Variants in PSMD8 observed in about 807,000 individuals in gnomAD.
The protein encoded by PSMD8 is proteasome 26S subunit, non-ATPase 8.
PSMD8 carries 30 observed loss-of-function variants against 40.0 expected under a neutral mutation model. That is an observed-to-expected ratio of 0.75 (90% CI 0.56 to 1.02). The LOEUF is 1.02. PSMD8 is among the 50% of genes least tolerant of loss of function. The pLI is 0.00. For missense variants in PSMD8, 461 were observed against 463.9 expected, an observed-to-expected ratio of 0.99 and a Z score of 0.06; for synonymous variants, 208 against 192.5, an observed-to-expected ratio of 1.08 and a Z score of -0.67.
Position 38,379,417 on chromosome 19 carries a change from A to AGG in PSMD8, c.702+15_702+16dup. On this transcript the variant is annotated intron_variant, in intron 4 of 6. Transcript: ENST00000215071. ...TGTCCCTGGAGCAAGTGAGATGGCA[A>AGG]GGGGCAGGGGAGGACCTGGCCAAAG... The AGG allele has an allele frequency of 6.2e-7, 1 of 1,613,520 alleles. No homozygotes were observed. Among genetic ancestry groups the AGG allele is most frequent in the Non-Finnish European group, 8.5e-7 (1 of 1,179,594 alleles).
intron 1 of PSMD8, 150 bp downstream of exon 1, chr19:38,375,111 G>A (rs1056335118): frequency 7.5e-7 from 1 of 1,326,190 alleles, no homozygotes; most frequent in African/African-American, 1.5e-5. Flanking sequence ...GAAAGATTTG[G>A]AACAGCCAAA....
chr19:38,379,203 A>G (rs1568387989), intron 3 of PSMD8, 37 bp from the exon 4 acceptor site: 1 of 1,604,876 alleles, frequency 6.2e-7, no homozygotes, highest in African/African-American at 1.3e-5. Context: ...AGGCCCTTAA[A>G]TCCTCCTTAA....
intron 5 of PSMD8, chr19:38,381,272 C>T (rs533332662): frequency 2.5e-5 from 9 of 361,218 alleles, no homozygotes; most frequent in South Asian, 8.5e-5. Flanking sequence ...AGGGATTGTG[C>T]GGCCTGTCTT....
Position 38,374,841 on chromosome 19 carries a change from C to G in PSMD8, c.240C>G (p.Pro80=), listed in dbSNP as rs768906876. 7 of 1,578,654 alleles carry G rather than the reference C, an allele frequency of 4.4e-6. No individual in the cohort carries two copies. In the East Asian group the frequency reaches 1.6e-4, roughly 36 times the overall value. The change falls in exon 1 of 7, where the codon CCC becomes CCG. Residue 80 remains proline, a synonymous_variant. Transcript: ENST00000215071. ...CGGCAGGCTTCTCGAGCTCCGGGCC[C>G]GCGGCAACCTCGGGCGCTGTTCTGC... is the stretch of plus-strand genomic sequence containing the variant. ...NGAAGFSSSG[P]AATSGAVLQA...
In PSMD8 at chr19:38,374,934, G is replaced by A; in HGVS notation, c.333G>A (p.Lys111=). 1 of 1,576,826 alleles carries A rather than the reference G, an allele frequency of 6.3e-7. No homozygotes were observed. Among genetic ancestry groups the A allele is most frequent in the Non-Finnish European group, 8.5e-7 (1 of 1,169,834 alleles). Residue 111 remains lysine (K), a synonymous_variant, in exon 1 of 7, where the codon AAG becomes AAA. Coordinates refer to ENST00000215071, the MANE Select transcript of PSMD8 (RefSeq NM_002812.5). Reference sequence around the variant, plus strand: ...ACCGTAAAAGCCCCAATCTTAGCAAGTGCGGGGAAGAGCTGGGTCGACTCA... The same window carrying A: ...ACCGTAAAAGCCCCAATCTTAGCAAATGCGGGGAAGAGCTGGGTCGACTCA... ...EWNRKSPNLS[K]CGEELGRLKL...
chr19:38,383,166 G>A (rs1420680546), intron 6 of PSMD8, 87 bp from the exon 7 acceptor site: 36 of 1,541,956 alleles, frequency 2.3e-5, no homozygotes, highest in Non-Finnish European at 3.1e-5. Flanking sequence ...AGAGAGCATA[G>A]GACACGTGGG....
At chr19:38,382,620 T>C (rs1264114144) in intron 6 of PSMD8, 1 of 387,234 alleles carries the variant, frequency 2.6e-6, no homozygotes, top group Admixed American at 4.3e-5. Flanking sequence ...CTGGGTGCAG[T>C]GGCTCCCGCG....
At position 38,383,720 on chromosome 19, in the gene PSMD8, C is replaced by T. The variant is rs2145131746; in HGVS notation, c.*330C>T. ...GGACTGTTCTAGCCAGCTGTGGACA[C>T]ATAGGAATGCTGGACCAGGGTACCA... is the stretch of plus-strand genomic sequence containing the variant. On this transcript the variant is annotated 3_prime_UTR_variant, in exon 7 of 7. Transcript: ENST00000215071. 3.2e-6 allele frequency: 1 copy of T among 308,332 alleles called. No homozygotes were observed. Among genetic ancestry groups the T allele is most frequent in the African/African-American group, 2.1e-5 (1 of 48,494 alleles). The allele number at this position is 308,332 out of a possible 1,614,324, so 19.1% of individuals were successfully genotyped here. A position where few individuals can be genotyped will look rare whatever the true frequency, so the allele number is the denominator to read the frequency against.
rs779585774 is a variant in PSMD8, at chr19:38,380,991, C to T, written c.795C>T (p.Asp265=). The T allele has an allele frequency of 9.5e-6, 15 of 1,578,458 alleles. No homozygotes were observed. In the Middle Eastern group the frequency reaches 1.3e-3, roughly 139 times the overall value. ...CCTTCTTCATTGACATCCTGCTCGACACTATCAGGTGCGTAGCGGGGCCGG... is the reference window on the plus strand; with the variant it reads ...CCTTCTTCATTGACATCCTGCTCGATACTATCAGGTGCGTAGCGGGGCCGG... ...SYTFFIDILL[D]TIRDEIAGCI... Residue 265 remains aspartate (D), a synonymous_variant, in exon 5 of 7, where the codon GAC becomes GAT. Coordinates refer to ENST00000215071, the MANE Select transcript of PSMD8 (RefSeq NM_002812.5).
In PSMD8 at chr19:38,374,911, C is replaced by T. The variant is rs758095766; in HGVS notation, c.310C>T (p.Arg104Cys). ...MYEQLKGEWNRKSPNLSKCGE... is the reference protein window; with the variant it reads ...MYEQLKGEWNCKSPNLSKCGE... ...CGAGCAACTCAAGGGCGAGTGGAAC[C>T]GTAAAAGCCCCAATCTTAGCAAGTG... is the stretch of plus-strand genomic sequence containing the variant. Residue 104 changes from arginine (R) to cysteine (C), a missense_variant, in exon 1 of 7, where the codon CGT becomes TGT. Around this residue, in one of 2 missense-constraint regions of PSMD8, gnomAD observed 236 missense variants for 321.2 expected, o/e 0.73. Coordinates refer to ENST00000215071, the MANE Select transcript of PSMD8 (RefSeq NM_002812.5). 29 of 1,585,392 alleles carry T rather than the reference C, an allele frequency of 1.8e-5. No individual in the cohort carries two copies. Among genetic ancestry groups the T allele is most frequent in the Non-Finnish European group, 2.5e-5 (29 of 1,173,976 alleles).
chr19:38,383,267 G>A lies in PSMD8; in HGVS notation c.930G>A (p.Leu310=), dbSNP rs371885326. 4 of 1,612,672 alleles carry A rather than the reference G, an allele frequency of 2.5e-6. No homozygotes were observed. In the African/African-American group the frequency reaches 4.0e-5, roughly 16 times the overall value. The change falls in exon 7 of 7, where the codon CTG becomes CTA. Residue 310 remains leucine, a synonymous_variant. Transcript: ENST00000215071. The part of the protein sequence containing the change: ...TDYAKKRGWV[L]GPNNYYSFAS... The stretch of plus-strand genomic sequence containing the variant: ...CTTTCCTGCAGCGAGGGTGGGTCCT[G>A]GGCCCCAACAACTACTACAGTTTTG...
chr19:38,382,326 A>T, intron 6 of PSMD8, 98 bp downstream of exon 6: 2 of 949,676 alleles, frequency 2.1e-6, no homozygotes, highest in Non-Finnish European at 3.3e-6. Context: ...AAGACTGCCC[A>T]GGTTTAAGTT....
At chr19:38,379,487 G>A in intron 4 of PSMD8, 82 bp downstream of exon 4, 1 of 1,467,342 alleles carries the variant, frequency 6.8e-7, no homozygotes, top group South Asian at 1.2e-5. Context: ...CTGAAGGAGT[G>A]GCCAGGGTTC....
In PSMD8 at chr19:38,374,622, T is replaced by C; in HGVS notation, c.21T>C (p.Ala7=). The C allele has an allele frequency of 6.7e-7, 1 of 1,500,940 alleles. No homozygotes were observed. The highest frequency in any genetic ancestry group is 8.8e-7 in the Non-Finnish European group (1 of 1,131,724). The allele number at this position is 1,500,940 out of a possible 1,614,324, so 93.0% of individuals were successfully genotyped here. A position where few individuals can be genotyped will look rare whatever the true frequency, so the allele number is the denominator to read the frequency against. ...CTGACATGTTCATTAAGGGCAGGGC[T>C]CCGAGGGCGCCACCTCGAGAGCGAC... MFIKGR[A]PRAPPRERRR... is the part of the protein sequence containing the mutation. The change falls in exon 1 of 7, where the codon GCT becomes GCC. Residue 7 remains alanine, a synonymous_variant. Coordinates refer to ENST00000215071, the MANE Select transcript of PSMD8 (RefSeq NM_002812.5).
At chr19:38,377,496 A>G (rs1237962617) in intron 3 of PSMD8, among the ~76,000 whole-genome samples, 1 of 144,452 alleles carries the variant, frequency 6.9e-6, no homozygotes, top group Non-Finnish European at 1.5e-5. Flanking sequence ...TCTGACTCCA[A>G]TAACTTTTTT....
At chr19:38,375,093 G>A (rs977063753) in intron 1 of PSMD8, 132 bp downstream of exon 1, 9 of 1,408,536 alleles carry the variant, frequency 6.4e-6, no homozygotes, top group African/African-American at 2.9e-5. Flanking sequence ...TGGGGGATCC[G>A]ATGGGGTGAA....
intron 4 of PSMD8, among the ~76,000 whole-genome samples, chr19:38,380,321 G>A (rs1390782991): frequency 6.6e-6 from 1 of 152,182 alleles, no homozygotes; most frequent in Non-Finnish European, 1.5e-5. Context: ...GGACAGCCGG[G>A]CAGAGGAACC....
intron 3 of PSMD8, among the ~76,000 whole-genome samples, chr19:38,377,742 GCCTCAGCCTC>G (rs200907692): frequency 0.065 from 9,854 of 152,154 alleles, 530 homozygotes; most frequent in East Asian, 0.27. Flanking sequence ...TGATTCTCCT[GCCTCAGCCTC>G]CCTCAGCCTC....
intron 1 of PSMD8, chr19:38,375,325 G>T (rs1006985529): frequency 7.6e-6 from 2 of 262,768 alleles, no homozygotes; most frequent in South Asian, 3.7e-5. Flanking sequence ...CCACGCGGGG[G>T]TGGTGGGGGA....
Sources: gnomAD v4.1 joint callset for allele counts (sites outside exome capture counted in the v4.1 genomes callset) on GRCh38, gnomAD v4.1.1 for gene constraint, gnomAD v4.1.1 regional missense constraint, MANE v1.5 for transcripts, NCBI Gene and HGNC (gene_info 2026-07-23, HGNC 2026-07-21) for gene names.